CDKL3: variants seen among roughly 807,000 people sequenced by gnomAD.
CDKL3 encodes cyclin dependent kinase like 3.
In CDKL3, 65 loss-of-function variants were observed where a neutral mutation model predicts 69.3. The observed-to-expected ratio is 0.94, with a 90% CI of 0.77 to 1.15. CDKL3 has a LOEUF of 1.15. Ranked by LOEUF, CDKL3 falls within the 50% of genes most tolerant of loss-of-function variation. The probability of loss-of-function intolerance (pLI) is 0.00; values close to 1 mark genes in which losing one functional copy is unlikely to be tolerated. For synonymous variants in CDKL3, 202 were observed against 221.6 expected (o/e 0.91, Z 0.79); for missense variants, 652 against 689.2 (o/e 0.95, Z 0.61).
At chr5:134,314,913 G>C (rs769816514) in intron 6 of CDKL3, among the ~76,000 whole-genome samples, 1 of 152,006 alleles carries the variant, frequency 6.6e-6, no homozygotes, top group African/African-American at 2.4e-5. Context: ...CCTGATTGTG[G>C]TGGTGGTTTC....
upstream of CDKL3, chr5:134,367,368 C>CTTTT (rs57811547): frequency 4.7e-5 from 37 of 780,338 alleles, no homozygotes; most frequent in East Asian, 2.0e-4. Context: ...GGATCTGCAT[C>CTTTT]TTTTTTTTTT....
At chr5:134,334,118 T>C (rs1468006836) in intron 4 of CDKL3, among the ~76,000 whole-genome samples, 1 of 152,236 alleles carries the variant, frequency 6.6e-6, no homozygotes, top group Non-Finnish European at 1.5e-5. Context: ...TAGTATTCTC[T>C]GATGGTAGTT....
chr5:134,320,576 T>C (rs1446844218), intron 5 of CDKL3, among the ~76,000 whole-genome samples: 1 of 151,878 alleles, frequency 6.6e-6, no homozygotes, highest in Non-Finnish European at 1.5e-5. Flanking sequence ...AGACCCTGTC[T>C]CAAAAAAATT....
intron 2 of CDKL3, among the ~76,000 whole-genome samples, chr5:134,360,514 T>A (rs891540874): frequency 1.3e-5 from 2 of 152,250 alleles, no homozygotes; most frequent in African/African-American, 4.8e-5. Flanking sequence ...CTATGTTCCA[T>A]GCATTTCAAC....
intron 4 of CDKL3, among the ~76,000 whole-genome samples, chr5:134,346,784 C>T (rs1236137210): frequency 1.3e-5 from 2 of 152,208 alleles, no homozygotes; most frequent in Non-Finnish European, 2.9e-5. Context: ...GCATGAGCCA[C>T]CGTGCCCAGC....
downstream of CDKL3, among the ~76,000 whole-genome samples, chr5:134,295,927 C>T (rs923213022): frequency 2.0e-5 from 3 of 152,002 alleles, no homozygotes; most frequent in African/African-American, 7.3e-5. Flanking sequence ...GATGGAGTCT[C>T]GCTCTGTTGC....
At chr5:134,289,685 G>T (rs1389700979) in intron 8 of CDKL3, among the ~76,000 whole-genome samples, 1 of 152,150 alleles carries the variant, frequency 6.6e-6, no homozygotes, top group East Asian at 1.9e-4. Flanking sequence ...GTCAGAGGGT[G>T]ACTCCAGCTC....
Position 134,367,126 on chromosome 5 carries a change from C to T in CDKL3, c.-171G>A. ...CTTTGTTGCTCAGCCCCGCAAGGAACCGGCCACTTGCCACCATGGAAACGC... is the reference window on the plus strand; with the variant it reads ...CTTTGTTGCTCAGCCCCGCAAGGAATCGGCCACTTGCCACCATGGAAACGC... On this transcript the variant is annotated 5_prime_UTR_variant, in exon 1 of 13. Coordinates refer to ENST00000265334, the MANE Select transcript of CDKL3 (RefSeq NM_001113575.2). 2.0e-6 allele frequency: 2 copies of T among 985,796 alleles called. No homozygotes were observed. Among genetic ancestry groups the T allele is most frequent in the Non-Finnish European group, 1.2e-6 (1 of 830,222 alleles). The allele number at this position is 985,796 out of a possible 1,614,324, so 61.1% of individuals were successfully genotyped here. A position where few individuals can be genotyped will look rare whatever the true frequency, so the allele number is the denominator to read the frequency against.
At chr5:134,296,952 C>CTT (rs111349325), downstream of CDKL3, among the ~76,000 whole-genome samples, 96 of 131,288 alleles carry the variant, frequency 7.3e-4, no homozygotes, top group Admixed American at 2.1e-3. Flanking sequence ...CTTTTCTTTT[C>CTT]TTTTTTTTTT....
At chr5:134,357,262 G>T (rs902196660) in intron 3 of CDKL3, among the ~76,000 whole-genome samples, 2 of 151,848 alleles carry the variant, frequency 1.3e-5, no homozygotes, top group African/African-American at 4.8e-5. Flanking sequence ...TGACCAACAC[G>T]GTGAAACCCC....
At position 134,326,835 on chromosome 5, in the gene CDKL3, A is replaced by ATATATATATATATATATATGTGTGTG. The variant is rs1774428074; in HGVS notation, c.540-4933_540-4932insCACACACATATATATATATATATATA. Among the ~76,000 whole-genome samples the ATATATATATATATATATATGTGTGTG allele has an allele frequency of 1.6e-4, 12 of 77,402 alleles. 1 individual carries two copies. The highest frequency in any genetic ancestry group is 1.3e-3 in the Admixed American group (9 of 7,052). The allele number at this position is 77,402 out of a possible 152,430, so 50.8% of individuals were successfully genotyped here. A position where few individuals can be genotyped will look rare whatever the true frequency, so the allele number is the denominator to read the frequency against. ...TGTGTGTGTATATATATATATATAT[A>ATATATATATATATATATATGTGTGTG]TATATATATATATATATATATATAT... On this transcript the variant is annotated intron_variant, in intron 4 of 12. Coordinates refer to ENST00000265334, the MANE Select transcript of CDKL3 (RefSeq NM_001113575.2).
At chr5:134,285,929 C>T (rs546049210), downstream of CDKL3, among the ~76,000 whole-genome samples, 1 of 152,280 alleles carries the variant, frequency 6.6e-6, no homozygotes, top group East Asian at 1.9e-4. Context: ...TGAGACCATC[C>T]TGGCCAACAT....
At chr5:134,366,126 A>G (rs1757359820) in intron 2 of CDKL3, among the ~76,000 whole-genome samples, 1 of 152,188 alleles carries the variant, frequency 6.6e-6, no homozygotes, top group African/African-American at 2.4e-5. Flanking sequence ...TAAGTATTAT[A>G]CTTGAATATT....
intron 10 of CDKL3, among the ~76,000 whole-genome samples, chr5:134,304,972 T>C (rs1767395289): frequency 1.3e-5 from 2 of 151,710 alleles, no homozygotes; most frequent in African/African-American, 4.8e-5. Flanking sequence ...CATGCCTGGT[T>C]AATTTTTAAA....
chr5:134,326,497 C>G (rs1033652310), intron 4 of CDKL3, among the ~76,000 whole-genome samples: 3 of 151,782 alleles, frequency 2.0e-5, no homozygotes, highest in Non-Finnish European at 2.9e-5. Flanking sequence ...GAGCCTTGAT[C>G]AGGAAAAGTA....
chr5:134,290,697 G>GT (rs879424283), intron 8 of CDKL3, among the ~76,000 whole-genome samples: 158 of 147,798 alleles, frequency 1.1e-3, no homozygotes, highest in Non-Finnish European at 1.4e-3. Context: ...TCTGATTTAA[G>GT]TTTTTTTTTT....
upstream of CDKL3, chr5:134,371,469 A>G (rs1405527019): frequency 4.4e-6 from 5 of 1,125,498 alleles, no homozygotes; most frequent in African/African-American, 2.0e-5. Flanking sequence ...GTTGTTTGTC[A>G]GTCTCGGCGG....
At chr5:134,287,327 T>C (rs1428149228) in intron 8 of CDKL3, among the ~76,000 whole-genome samples, 2 of 152,206 alleles carry the variant, frequency 1.3e-5, no homozygotes, top group African/African-American at 4.8e-5. Context: ...AATTATTTAA[T>C]GGATCGAATT....
At chr5:134,356,596 T>C (rs1475483094) in intron 3 of CDKL3, among the ~76,000 whole-genome samples, 1 of 152,082 alleles carries the variant, frequency 6.6e-6, no homozygotes, top group Non-Finnish European at 1.5e-5. Context: ...TCAGCCTGGC[T>C]AACGTGGTGA....
Sources: gnomAD v4.1 joint callset for allele counts (sites outside exome capture counted in the v4.1 genomes callset) on GRCh38, gnomAD v4.1.1 for gene constraint, MANE v1.5 for transcripts, NCBI Gene and HGNC (gene_info 2026-07-23, HGNC 2026-07-21) for gene names.